Variants in GABRG3 observed in about 807,000 individuals in gnomAD.
GABRG3 encodes the protein gamma-aminobutyric acid type A receptor subunit gamma3.
A neutral mutation model predicts 48.8 loss-of-function variants in GABRG3; 25 were observed. The ratio of observed to expected loss-of-function variants is 0.51; its 90% CI spans 0.37 to 0.72. GABRG3 has a LOEUF of 0.72. Ranked by LOEUF, GABRG3 falls within the 30% of genes least tolerant of loss-of-function variation. The probability of loss-of-function intolerance (pLI) is 0.00; values close to 1 mark genes in which losing one functional copy is unlikely to be tolerated. For missense variants in GABRG3, 394 were observed against 577.9 expected, an observed-to-expected ratio of 0.68 and a Z score of 3.26; for synonymous variants, 227 against 217.6, an observed-to-expected ratio of 1.04 and a Z score of -0.38.
At chr15:27,460,515 A>G (rs1889417138) in intron 5 of GABRG3, among the ~76,000 whole-genome samples, 1 of 152,236 alleles carries the variant, frequency 6.6e-6, no homozygotes. Context: ...TTTTAAAGGC[A>G]GGGGTAAATT....
At chr15:27,056,876 A>C (rs1896557643) in intron 3 of GABRG3, among the ~76,000 whole-genome samples, 1 of 152,178 alleles carries the variant, frequency 6.6e-6, no homozygotes. Flanking sequence ...CAAGACTGTG[A>C]TCGGGAAAAA....
chr15:26,988,267 A>G (rs554975205), intron 2 of GABRG3, among the ~76,000 whole-genome samples: 1 of 152,186 alleles, frequency 6.6e-6, no homozygotes, highest in African/African-American at 2.4e-5. Flanking sequence ...CTGTAGCTGT[A>G]TTTTTCTTTA....
intron 3 of GABRG3, among the ~76,000 whole-genome samples, chr15:27,221,241 G>T (rs901188461): frequency 6.6e-6 from 1 of 152,048 alleles, no homozygotes; most frequent in Non-Finnish European, 1.5e-5. Flanking sequence ...GTAGACATTT[G>T]CTATGCTCCT....
intron 3 of GABRG3, among the ~76,000 whole-genome samples, chr15:27,257,881 C>T (rs1464644330): frequency 6.8e-6 from 1 of 146,554 alleles, no homozygotes; most frequent in Non-Finnish European, 1.5e-5. Flanking sequence ...GTCTTGAACT[C>T]CTGGGCTCCA....
At chr15:27,338,986 CTAA>C (rs1894073666) in intron 5 of GABRG3, among the ~76,000 whole-genome samples, 1 of 152,198 alleles carries the variant, frequency 6.6e-6, no homozygotes, top group Non-Finnish European at 1.5e-5. Flanking sequence ...CCTAAGTGCA[CTAA>C]TGAGGCGGCC....
chr15:27,428,645 C>A lies in GABRG3; in HGVS notation c.575-52005C>A, dbSNP rs1888361991. Among the ~76,000 whole-genome samples, 4 of 152,266 alleles carry A rather than the reference C, an allele frequency of 2.6e-5. No individual in the cohort carries two copies. The South Asian group carries it at 8.3e-4, about 32-fold the overall frequency. ...TTCATTTTTAGGGGGGTTGTCCCTC[C>A]CAGTTTAACCTGATATTTTCTAATT... On this transcript the variant is annotated intron_variant, in intron 5 of 9. Coordinates refer to ENST00000615808, the MANE Select transcript of GABRG3 (RefSeq NM_033223.5).
chr15:27,301,922 G>A (rs1892222349), intron 3 of GABRG3, among the ~76,000 whole-genome samples: 1 of 152,098 alleles, frequency 6.6e-6, no homozygotes, highest in African/African-American at 2.4e-5. Context: ...CATTTTTCAA[G>A]TGCTGAGAGG....
chr15:27,350,922 TTGTG>T lies in GABRG3; in HGVS notation c.574+22042_574+22045del, dbSNP rs563638932. ...GTTTGTGTGTGTGTATCATGTGTGTTTGTGTGTGTGTATCGTGTGTGTATGCTGT... is the reference window on the plus strand; with the variant it reads ...GTTTGTGTGTGTGTATCATGTGTGTTTGTGTGTATCGTGTGTGTATGCTGT... On this transcript the variant is annotated intron_variant, in intron 5 of 9. Transcript: ENST00000615808. 1.3e-4 allele frequency among the ~76,000 whole-genome samples: 20 copies of T among 148,392 alleles called. No homozygotes were observed. In the East Asian group the frequency reaches 2.6e-3, roughly 20 times the overall value.
rs138324164 is a variant in GABRG3, at chr15:27,379,987, CTT to C, written c.574+51110_574+51111del. Among the ~76,000 whole-genome samples the C allele has an allele frequency of 3.2e-3, 465 of 147,470 alleles. 3 individuals carry two copies. The highest frequency in any genetic ancestry group is 0.011 in the African/African-American group (428 of 40,438). On this transcript the variant is annotated intron_variant, in intron 5 of 9. Transcript: ENST00000615808. ...AAATATTTCTCCTGTGTTTTCCTAT[CTT>C]TTTTTTTTTTACTTCTGGTATTCCC...
intron 3 of GABRG3, among the ~76,000 whole-genome samples, chr15:27,157,307 G>C (rs1368055931): frequency 6.6e-6 from 1 of 152,160 alleles, no homozygotes; most frequent in Non-Finnish European, 1.5e-5. Flanking sequence ...ATTCCCATGT[G>C]ATAGTTTTCC....
chr15:27,383,638 G>A (rs1895841162), intron 5 of GABRG3, among the ~76,000 whole-genome samples: 2 of 151,986 alleles, frequency 1.3e-5, no homozygotes, highest in Admixed American at 1.3e-4. Context: ...CGGAACATGG[G>A]TCACCTAGTG....
chr15:27,100,163 AGCCAAGATCGT>A (rs1227003738), intron 3 of GABRG3, among the ~76,000 whole-genome samples: 1 of 151,282 alleles, frequency 6.6e-6, no homozygotes, highest in Non-Finnish European at 1.5e-5. Context: ...GGTTGCAGTG[AGCCAAGATCGT>A]GCCACTGCAC....
chr15:27,308,293 A>G (rs996896555), intron 3 of GABRG3, among the ~76,000 whole-genome samples: 2 of 136,286 alleles, frequency 1.5e-5, no homozygotes, highest in South Asian at 2.3e-4. Flanking sequence ...ACGTTTATAT[A>G]TAAACATCAT....
At chr15:27,505,152 C>G (rs1401138717) in intron 6 of GABRG3, among the ~76,000 whole-genome samples, 2 of 151,996 alleles carry the variant, frequency 1.3e-5, no homozygotes, top group East Asian at 3.9e-4. Flanking sequence ...TTTTTTATGA[C>G]CTTGACACTT....
rs190899797 is a variant in GABRG3 at position 27,210,345 on chromosome 15, A to G, written c.271-116464A>G. ...AGTGAGTTTAGATGAGTAATCATGA[A>G]CACGTTTTCCTGCATGTGGGAGATT... is the stretch of plus-strand genomic sequence containing the variant. On this transcript the variant is annotated intron_variant, in intron 3 of 9. Coordinates refer to ENST00000615808, the MANE Select transcript of GABRG3 (RefSeq NM_033223.5). Among the ~76,000 whole-genome samples, 96 of 152,318 alleles carry G rather than the reference A, an allele frequency of 6.3e-4. 1 individual carries two copies. The highest frequency in any genetic ancestry group is 2.2e-3 in the African/African-American group (91 of 41,578).
In GABRG3 at chr15:27,353,751, C is replaced by G. The variant is rs74622084; in HGVS notation, c.574+24863C>G. Among the ~76,000 whole-genome samples the G allele has an allele frequency of 5.6e-3, 851 of 152,168 alleles. 9 individuals are homozygous for G. The highest frequency in any genetic ancestry group is 0.019 in the African/African-American group (803 of 41,522). On this transcript the variant is annotated intron_variant, in intron 5 of 9. Transcript: ENST00000615808. ...AGCCGTGGTGCCCAGCCAGTATGTG[C>G]GTAGTTTTCAATCATTCTCCAGATC... is the stretch of plus-strand genomic sequence containing the variant.
intron 3 of GABRG3, among the ~76,000 whole-genome samples, chr15:27,191,607 T>C (rs7182591): frequency 0.26 from 39,990 of 152,048 alleles, 5,693 homozygotes; most frequent in South Asian, 0.45. Flanking sequence ...ATTTTGAGCC[T>C]ATGTGTGTCT....
intron 3 of GABRG3, among the ~76,000 whole-genome samples, chr15:27,140,573 TC>T (rs1194686086): frequency 1.3e-5 from 2 of 152,124 alleles, no homozygotes; most frequent in Non-Finnish European, 2.9e-5. Context: ...TGTTTATTAG[TC>T]CTTTAGGTTT....
At chr15:27,523,748 A>G (rs1447077113) in intron 7 of GABRG3, among the ~76,000 whole-genome samples, 1 of 152,018 alleles carries the variant, frequency 6.6e-6, no homozygotes, top group Non-Finnish European at 1.5e-5. Flanking sequence ...GTGCTTAACA[A>G]AAGAAGATAA....
Sources: allele counts gnomAD v4.1 joint callset (sites outside exome capture counted in the v4.1 genomes callset), GRCh38; gene constraint gnomAD v4.1.1; transcripts MANE v1.5; gene names NCBI Gene and HGNC (gene_info 2026-07-23, HGNC 2026-07-21).